ATP8A2: variants seen among roughly 807,000 people sequenced by gnomAD.
ATP8A2 encodes ATPase phospholipid transporting 8A2.
ATP8A2 carries 100 observed loss-of-function variants against 165.6 expected under a neutral mutation model. That is an observed-to-expected ratio of 0.60 (90% CI 0.51 to 0.71). ATP8A2 has a LOEUF of 0.71. ATP8A2 is among the 30% of genes least tolerant of loss of function. The pLI, the probability that ATP8A2 is intolerant of heterozygous loss-of-function variation, is 0.00. For synonymous variants in ATP8A2, 543 were observed against 548.8 expected (o/e 0.99, Z 0.15); for missense variants, 1,227 against 1,479.5 (o/e 0.83, Z 2.80).
At chr13:25,433,977 T>C (rs542580336) in intron 1 of ATP8A2, among the ~76,000 whole-genome samples, 27 of 151,926 alleles carry the variant, frequency 1.8e-4, no homozygotes, top group Non-Finnish European at 3.5e-4. Flanking sequence ...TCCAAAAGAG[T>C]GGGAGTGCTG....
chr13:25,747,598 A>C (rs2044062268), intron 25 of ATP8A2, among the ~76,000 whole-genome samples: 1 of 152,126 alleles, frequency 6.6e-6, no homozygotes, highest in African/African-American at 2.4e-5. Context: ...GCTTAAGTAG[A>C]CCAAAAGCTC....
chr13:25,475,414 G>A (rs890716512), intron 2 of ATP8A2, among the ~76,000 whole-genome samples: 3 of 152,104 alleles, frequency 2.0e-5, no homozygotes. Flanking sequence ...TATCCAGTCT[G>A]TTGTTGATGG....
intron 2 of ATP8A2, among the ~76,000 whole-genome samples, chr13:25,487,461 G>A (rs946312874): frequency 6.6e-6 from 1 of 152,172 alleles, no homozygotes; most frequent in Non-Finnish European, 1.5e-5. Context: ...ACAATGTATA[G>A]TTCATAGGAA....
intron 1 of ATP8A2, among the ~76,000 whole-genome samples, chr13:25,393,719 A>G (rs2033327050): frequency 6.6e-6 from 1 of 152,116 alleles, no homozygotes; most frequent in African/African-American, 2.4e-5. Context: ...CCCAGCCCCT[A>G]TTTATATACT....
intron 35 of ATP8A2, among the ~76,000 whole-genome samples, chr13:25,971,944 C>CA (rs1267217895): frequency 1.3e-5 from 2 of 152,282 alleles, no homozygotes; most frequent in East Asian, 3.9e-4. Flanking sequence ...TCCCTAACCC[C>CA]AGGGGCTTAC....
rs548779149 is a variant in ATP8A2 at position 25,491,180 on chromosome 13, CT to C, written c.221+22063del. 5.0e-3 allele frequency among the ~76,000 whole-genome samples: 756 copies of C among 151,636 alleles called. 5 individuals carry two copies. Among genetic ancestry groups the C allele is most frequent in the African/African-American group, 0.018 (733 of 41,334 alleles). Reference sequence around the variant, plus strand: ...AAGTGCTGTTGGACTTGATTTATTTCTTTTAAGTGACGATTATATTCTACGT... The same window carrying C: ...AAGTGCTGTTGGACTTGATTTATTTCTTTAAGTGACGATTATATTCTACGT... On this transcript the variant is annotated intron_variant, in intron 2 of 36. Coordinates refer to ENST00000381655, the MANE Select transcript of ATP8A2 (RefSeq NM_016529.6).
chr13:25,478,805 C>G (rs548694811), intron 2 of ATP8A2, among the ~76,000 whole-genome samples: 5 of 152,114 alleles, frequency 3.3e-5, no homozygotes, highest in Admixed American at 3.3e-4. Flanking sequence ...AGTTCTCTGT[C>G]TATATCAGTG....
At chr13:25,648,357 T>G (rs1195607534) in intron 24 of ATP8A2, among the ~76,000 whole-genome samples, 7 of 152,138 alleles carry the variant, frequency 4.6e-5, no homozygotes, top group African/African-American at 1.7e-4. Flanking sequence ...TGCAGATGCT[T>G]AAGTCTCTTC....
Position 26,016,415 on chromosome 13 carries a change from A to G in ATP8A2, c.3470-3473A>G, listed in dbSNP as rs537892777. Among the ~76,000 whole-genome samples the G allele has an allele frequency of 9.4e-4, 143 of 152,338 alleles. 1 individual carries two copies. The highest frequency in any genetic ancestry group is 3.1e-3 in the African/African-American group (129 of 41,586). ...GGCCAAATCATCCCGCTGCAATCCCATGGGAGGCCCTTGTGGCCATGGCAC... is the reference window on the plus strand; with the variant it reads ...GGCCAAATCATCCCGCTGCAATCCCGTGGGAGGCCCTTGTGGCCATGGCAC... On this transcript the variant is annotated intron_variant, in intron 36 of 36. Coordinates refer to ENST00000381655, the MANE Select transcript of ATP8A2 (RefSeq NM_016529.6).
At chr13:25,945,224 G>T (rs1272194411) in intron 33 of ATP8A2, among the ~76,000 whole-genome samples, 1 of 152,184 alleles carries the variant, frequency 6.6e-6, no homozygotes, top group Non-Finnish European at 1.5e-5. Flanking sequence ...CCAGCAGTGT[G>T]TATGTATGTG....
intron 33 of ATP8A2, among the ~76,000 whole-genome samples, chr13:25,890,594 G>A (rs940503366): frequency 2.0e-5 from 3 of 152,210 alleles, no homozygotes; most frequent in African/African-American, 7.2e-5. Context: ...TCAGACAGAA[G>A]TGCATACTGG....
At chr13:25,913,962 A>G (rs1411432895) in intron 33 of ATP8A2, among the ~76,000 whole-genome samples, 1 of 152,212 alleles carries the variant, frequency 6.6e-6, no homozygotes, top group Admixed American at 6.5e-5. Context: ...TTCCCTGAGC[A>G]GTAAAATGAA....
At chr13:25,392,975 A>G (rs2033300163) in intron 1 of ATP8A2, among the ~76,000 whole-genome samples, 3 of 152,134 alleles carry the variant, frequency 2.0e-5, no homozygotes, top group Admixed American at 6.5e-5. Flanking sequence ...TCAGGTTGAC[A>G]TGTCCCTCCA....
intron 1 of ATP8A2, among the ~76,000 whole-genome samples, chr13:25,456,084 A>T (rs2137462094): frequency 6.6e-6 from 1 of 152,300 alleles, no homozygotes; most frequent in Non-Finnish European, 1.5e-5. Context: ...GTTGCAGCAT[A>T]TGTGCTCATG....
chr13:25,876,179 G>A (rs1952815561), intron 33 of ATP8A2, among the ~76,000 whole-genome samples: 1 of 152,088 alleles, frequency 6.6e-6, no homozygotes, highest in African/African-American at 2.4e-5. Context: ...CAGCAGATCA[G>A]GGGGTGGGTG....
intron 33 of ATP8A2, among the ~76,000 whole-genome samples, chr13:25,913,707 A>G (rs1457495593): frequency 6.6e-6 from 1 of 152,186 alleles, no homozygotes; most frequent in Non-Finnish European, 1.5e-5. Flanking sequence ...TCTTAGGTTA[A>G]TGTGAATCAA....
At chr13:25,495,367 G>C (rs1474338420) in intron 2 of ATP8A2, among the ~76,000 whole-genome samples, 3 of 152,154 alleles carry the variant, frequency 2.0e-5, no homozygotes, top group African/African-American at 7.2e-5. Flanking sequence ...TGTGAGTCTT[G>C]TGTGGGCGAG....
chr13:25,686,910 C>T (rs1037337931), intron 24 of ATP8A2, among the ~76,000 whole-genome samples: 5 of 152,096 alleles, frequency 3.3e-5, no homozygotes, highest in Non-Finnish European at 7.4e-5. Flanking sequence ...AGTGTCTGTC[C>T]CCTCACTAAT....
At position 25,417,245 on chromosome 13, in the gene ATP8A2, A is replaced by G. The variant is rs139342372; in HGVS notation, c.76+44957A>G. Among the ~76,000 whole-genome samples, 221 of 152,178 alleles carry G rather than the reference A, an allele frequency of 1.5e-3. 4 individuals are homozygous for G. Among genetic ancestry groups the G allele is most frequent in the African/African-American group, 4.7e-3 (196 of 41,506 alleles). Reference sequence around the variant, plus strand: ...TTAGGCTGAGCCAGGTGTTTCATTCATCTTCAGCCTGTTGGTGTAACTGAG... The same window carrying G: ...TTAGGCTGAGCCAGGTGTTTCATTCGTCTTCAGCCTGTTGGTGTAACTGAG... On this transcript the variant is annotated intron_variant, in intron 1 of 36. Transcript: ENST00000381655.
Sources: gnomAD v4.1 joint callset for allele counts (sites outside exome capture counted in the v4.1 genomes callset) on GRCh38, gnomAD v4.1.1 for gene constraint, MANE v1.5 for transcripts, NCBI Gene and HGNC (gene_info 2026-07-23, HGNC 2026-07-21) for gene names.